The following PCDH15 variants were observed in gnomAD, a reference collection of about 807,000 sequenced individuals.
PCDH15 encodes the protein protocadherin-15.
In PCDH15, 129 loss-of-function variants were observed where a neutral mutation model predicts 178.5. That is an observed-to-expected ratio of 0.72 (90% CI 0.63 to 0.84). PCDH15 has a LOEUF of 0.84. PCDH15 is among the 40% of genes least tolerant of loss of function. The probability of loss-of-function intolerance (pLI) is 0.00; values close to 1 mark genes in which losing one functional copy is unlikely to be tolerated. For missense variants in PCDH15, 2,230 were observed against 2,099.9 expected (o/e 1.06, Z -1.21); for synonymous variants, 800 against 732.0 (o/e 1.09, Z -1.50).
chr10:53,803,597 C>T lies in PCDH15; in HGVS notation c.*2982G>A, dbSNP rs1462049771. ...GATGGTTTTGGCCAACCTACGGTTG[C>T]AATTCTATGACAACTCTCAGAGTCT... On this transcript the variant is annotated 3_prime_UTR_variant, in exon 38 of 38. Coordinates refer to ENST00000644397, the MANE Select transcript of PCDH15 (RefSeq NM_001384140.1). 1 of 151,906 alleles carries T rather than the reference C, an allele frequency of 6.6e-6. No individual in the cohort carries two copies. Among genetic ancestry groups the T allele is most frequent in the African/African-American group, 2.4e-5 (1 of 41,398 alleles). The allele number at this position is 151,906 out of a possible 1,614,324, so 9.4% of individuals were successfully genotyped here. A position where few individuals can be genotyped will look rare whatever the true frequency, so the allele number is the denominator to read the frequency against.
chr10:54,164,413 A>C lies in PCDH15; in HGVS notation c.1591-11120T>G, dbSNP rs562460693. ...GGACAGAAAGATTATTTGGATGGGCAACATAAAACTTACAACTAGGTAATC... is the reference window on the plus strand; with the variant it reads ...GGACAGAAAGATTATTTGGATGGGCCACATAAAACTTACAACTAGGTAATC... On this transcript the variant is annotated intron_variant, in intron 13 of 37. Transcript: ENST00000644397. Among the ~76,000 whole-genome samples, 6 of 152,326 alleles carry C rather than the reference A, an allele frequency of 3.9e-5. No homozygotes were observed. In the South Asian group the frequency reaches 1.2e-3, roughly 32 times the overall value.
chr10:54,932,192 A>C (rs1051563660), intron 2 of PCDH15, among the ~76,000 whole-genome samples: 13 of 152,300 alleles, frequency 8.5e-5, no homozygotes, highest in Admixed American at 8.5e-4. Flanking sequence ...TATTTCAGAA[A>C]AAGGCATTCT....
At position 54,492,202 on chromosome 10, in the gene PCDH15, C is replaced by T. The variant is rs367775195; in HGVS notation, c.157+35610G>A. 7.9e-5 allele frequency among the ~76,000 whole-genome samples: 12 copies of T among 152,198 alleles called. No individual in the cohort carries two copies. In the East Asian group the frequency reaches 1.2e-3, roughly 15 times the overall value. Reference sequence around the variant, plus strand: ...GGCTCCCTGAATAAAAGAGGCAAGACGTGTCAACCTGAACAGACATTCATC... The same window carrying T: ...GGCTCCCTGAATAAAAGAGGCAAGATGTGTCAACCTGAACAGACATTCATC... On this transcript the variant is annotated intron_variant, in intron 3 of 37. Transcript: ENST00000644397.
intron 3 of PCDH15, among the ~76,000 whole-genome samples, chr10:54,517,082 A>G (rs1797932832): frequency 6.6e-6 from 1 of 152,196 alleles, no homozygotes; most frequent in African/African-American, 2.4e-5. Context: ...GAAAGGAACA[A>G]CAGGTACCAG....
chr10:54,874,793 T>C (rs1194919620), intron 3 of PCDH15, among the ~76,000 whole-genome samples: 1 of 152,146 alleles, frequency 6.6e-6, no homozygotes, highest in African/African-American at 2.4e-5. Flanking sequence ...CTTAAACAAA[T>C]CATTTACAAC....
intron 1 of PCDH15, among the ~76,000 whole-genome samples, chr10:55,293,299 C>A (rs1405735094): frequency 3.3e-5 from 5 of 152,174 alleles, no homozygotes; most frequent in African/African-American, 1.2e-4. Context: ...GCCTGGCTTA[C>A]AAAACCATTT....
chr10:55,042,637 C>T (rs1162693141), intron 2 of PCDH15, among the ~76,000 whole-genome samples: 14 of 152,074 alleles, frequency 9.2e-5, no homozygotes, highest in South Asian at 6.2e-4. Flanking sequence ...GTTGTTTTGA[C>T]CCAAACAAGT....
chr10:55,241,357 C>T (rs1408639223), intron 1 of PCDH15, among the ~76,000 whole-genome samples: 1 of 152,114 alleles, frequency 6.6e-6, no homozygotes, highest in Admixed American at 6.5e-5. Context: ...GCATTTATCA[C>T]CATTAAAATT....
At chr10:54,779,640 G>T (rs1195585032) in intron 1 of PCDH15, among the ~76,000 whole-genome samples, 1 of 150,532 alleles carries the variant, frequency 6.6e-6, no homozygotes, top group African/African-American at 2.4e-5. Context: ...GCCTTCCCTA[G>T]CCAAAATGTG....
chr10:55,092,937 T>A (rs770091616), intron 2 of PCDH15, among the ~76,000 whole-genome samples: 4 of 152,018 alleles, frequency 2.6e-5, no homozygotes, highest in Non-Finnish European at 5.9e-5. Context: ...TATCTGAACA[T>A]GGATTAATAT....
chr10:54,115,858 G>C (rs1237767643), intron 15 of PCDH15, among the ~76,000 whole-genome samples: 4 of 152,196 alleles, frequency 2.6e-5, no homozygotes, highest in Non-Finnish European at 5.9e-5. Context: ...TGTTGTTACA[G>C]ATTGACATGG....
chr10:54,694,721 A>C (rs1431869767), intron 1 of PCDH15, among the ~76,000 whole-genome samples: 2 of 152,106 alleles, frequency 1.3e-5, no homozygotes, highest in Admixed American at 6.6e-5. Flanking sequence ...TAACTGATAC[A>C]TGTTGAATGT....
At position 54,185,288 on chromosome 10, in the gene PCDH15, C is replaced by T. The variant is rs531081800; in HGVS notation, c.1306-20G>A. On this transcript the variant is annotated intron_variant, in intron 11 of 37. Transcript: ENST00000644397. ...TTTTGTCTTTGAAAAAAAATGACATCGTTTCAAACGTTGAATAAATAATGT... is the reference window on the plus strand; with the variant it reads ...TTTTGTCTTTGAAAAAAAATGACATTGTTTCAAACGTTGAATAAATAATGT... 24 of 1,612,660 alleles carry T rather than the reference C, an allele frequency of 1.5e-5. No individual in the cohort carries two copies. Among genetic ancestry groups the T allele is most frequent in the African/African-American group, 4.0e-5 (3 of 74,948 alleles).
intron 2 of PCDH15, among the ~76,000 whole-genome samples, chr10:55,601,002 A>C (rs184645656): frequency 4.0e-4 from 61 of 152,212 alleles, no homozygotes; most frequent in African/African-American, 1.5e-3. Context: ...GGGTAGCAAA[A>C]GAGAAAAGTT....
chr10:55,034,923 G>C (rs1441056032), intron 2 of PCDH15, among the ~76,000 whole-genome samples: 3 of 152,074 alleles, frequency 2.0e-5, no homozygotes, highest in Admixed American at 6.6e-5. Context: ...TAATGGAAAA[G>C]ATATTGTAAT....
intron 2 of PCDH15, among the ~76,000 whole-genome samples, chr10:54,926,763 A>G (rs1181950419): frequency 6.6e-6 from 1 of 152,048 alleles, no homozygotes; most frequent in Admixed American, 6.6e-5. Context: ...ATATTCTCCG[A>G]TGGTTATCTG....
intron 2 of PCDH15, among the ~76,000 whole-genome samples, chr10:54,574,540 C>T (rs1299257277): frequency 6.7e-6 from 1 of 149,500 alleles, no homozygotes; most frequent in Non-Finnish European, 1.5e-5. Context: ...CCAAAAAACA[C>T]GTGAAAAAAT....
intron 2 of PCDH15, among the ~76,000 whole-genome samples, chr10:54,617,068 A>G (rs898582232): frequency 2.0e-5 from 3 of 150,864 alleles, no homozygotes; most frequent in African/African-American, 7.3e-5. Context: ...TTATTTATTT[A>G]TTTTTTTAAG....
At chr10:54,577,372 G>A (rs535317956) in intron 2 of PCDH15, among the ~76,000 whole-genome samples, 1 of 151,844 alleles carries the variant, frequency 6.6e-6, no homozygotes, top group South Asian at 2.1e-4. Context: ...GATTACAGGC[G>A]TGAGCCACCG....
Sources: gnomAD v4.1 joint callset for allele counts (sites outside exome capture counted in the v4.1 genomes callset) on GRCh38, gnomAD v4.1.1 for gene constraint, MANE v1.5 for transcripts, NCBI Gene and HGNC (gene_info 2026-07-23, HGNC 2026-07-21) for gene names.